The following GLIS3 variants were observed in gnomAD, a reference collection of about 807,000 sequenced individuals.
GLIS3 encodes the protein zinc finger protein GLIS3.
In GLIS3, 53 loss-of-function variants were observed where a neutral mutation model predicts 78.6. That is an observed-to-expected ratio of 0.67 (90% CI 0.54 to 0.85). GLIS3 has a LOEUF of 0.85. Ranked by LOEUF, GLIS3 falls within the 40% of genes least tolerant of loss-of-function variation. GLIS3 has a pLI of 0.00. For missense variants in GLIS3, 1,703 were observed against 1,231.1 expected (o/e 1.38, Z -5.74); for synonymous variants, 684 against 509.9 (o/e 1.34, Z -4.60).
the GLIS3 span, among the ~76,000 whole-genome samples, chr9:4,486,640 G>C: frequency 5.9e-5 from 9 of 152,252 alleles, no homozygotes; most frequent in African/African-American, 2.2e-4. Flanking sequence ...AAATCTGCCT[G>C]TCAGTGATTT....
At chr9:4,094,988 A>T (rs1829826645) in intron 4 of GLIS3, among the ~76,000 whole-genome samples, 1 of 152,240 alleles carries the variant, frequency 6.6e-6, no homozygotes, top group Non-Finnish European at 1.5e-5. Flanking sequence ...CATGGTAATT[A>T]GCATATCCAT....
At chr9:4,279,421 C>T in intron 2 of GLIS3, among the ~76,000 whole-genome samples, 1 of 136,918 alleles carries the variant, frequency 7.3e-6, no homozygotes, top group Non-Finnish European at 1.6e-5. Context: ...TTTAATGAAA[C>T]ACAAAGAAAG....
chr9:3,916,623 T>C (rs981406487), intron 6 of GLIS3, among the ~76,000 whole-genome samples: 2 of 152,242 alleles, frequency 1.3e-5, no homozygotes, highest in African/African-American at 4.8e-5. Flanking sequence ...CTGATTTATA[T>C]TTCATTTTGA....
At chr9:4,354,931 AC>A in the GLIS3 span, among the ~76,000 whole-genome samples, 1 of 152,078 alleles carries the variant, frequency 6.6e-6, no homozygotes, top group African/African-American at 2.4e-5. Flanking sequence ...CCTGGCTAAC[AC>A]GGCGAAACCC....
the GLIS3 span, among the ~76,000 whole-genome samples, chr9:4,411,398 T>A: frequency 6.6e-6 from 1 of 152,144 alleles, no homozygotes; most frequent in African/African-American, 2.4e-5. Context: ...CAGTACTGGG[T>A]TATGAGGTCG....
intron 4 of GLIS3, among the ~76,000 whole-genome samples, chr9:3,941,361 ATTTAT>A (rs1815903248): frequency 6.6e-6 from 1 of 151,608 alleles, no homozygotes; most frequent in Non-Finnish European, 1.5e-5. Context: ...TATTTTATTT[ATTTAT>A]TTATTTATTT....
upstream of GLIS3, among the ~76,000 whole-genome samples, chr9:4,351,662 G>T (rs1349382813): frequency 2.0e-5 from 3 of 152,118 alleles, no homozygotes; most frequent in Admixed American, 6.5e-5. Context: ...GATAAGGAAA[G>T]ATTTCATTTT....
At chr9:4,023,590 G>C (rs1823061667) in intron 4 of GLIS3, among the ~76,000 whole-genome samples, 1 of 152,016 alleles carries the variant, frequency 6.6e-6, no homozygotes, top group Non-Finnish European at 1.5e-5. Context: ...GTGGCCCACA[G>C]AGCGAGCATT....
chr9:4,399,603 C>T, the GLIS3 span, among the ~76,000 whole-genome samples: 8 of 152,154 alleles, frequency 5.3e-5, no homozygotes, highest in South Asian at 2.1e-4. Flanking sequence ...ATTTGTTATT[C>T]GGTGCTCAGG....
At chr9:3,871,905 T>C (rs1820993295) in intron 8 of GLIS3, among the ~76,000 whole-genome samples, 1 of 152,238 alleles carries the variant, frequency 6.6e-6, no homozygotes. Flanking sequence ...TTCTAATGCA[T>C]TGCCAGGCTG....
At chr9:4,103,214 A>G (rs751577525) in intron 4 of GLIS3, among the ~76,000 whole-genome samples, 5 of 152,222 alleles carry the variant, frequency 3.3e-5, no homozygotes, top group Non-Finnish European at 7.3e-5. Context: ...AAGAAGAAAT[A>G]TAATTGTGTA....
rs1190351020 is a variant in GLIS3, at chr9:4,057,633, G to GA, written c.1710+60134dup. Reference sequence around the variant, plus strand: ...TGAACCAGTTTACTCCTCTTCAAATGAAAAAAAATTGAAGAAGAAATAAAA... The same window carrying GA: ...TGAACCAGTTTACTCCTCTTCAAATGAAAAAAAAATTGAAGAAGAAATAAAA... On this transcript the variant is annotated intron_variant, in intron 4 of 10. Transcript: ENST00000381971. Among the ~76,000 whole-genome samples the GA allele has an allele frequency of 4.7e-5, 7 of 150,116 alleles. No individual in the cohort carries two copies. In the East Asian group the frequency reaches 9.8e-4, roughly 21 times the overall value.
At chr9:4,090,816 G>C (rs183726587) in intron 4 of GLIS3, among the ~76,000 whole-genome samples, 7 of 152,336 alleles carry the variant, frequency 4.6e-5, no homozygotes, top group East Asian at 1.9e-4. Context: ...TGCTGAGGTT[G>C]TGACTATTAC....
At chr9:4,200,014 A>C (rs1819221498) in intron 2 of GLIS3, among the ~76,000 whole-genome samples, 1 of 152,176 alleles carries the variant, frequency 6.6e-6, no homozygotes, top group South Asian at 2.1e-4. Context: ...ACCTCTCAAA[A>C]CCACACAATT....
At chr9:4,351,511 ATCTT>A (rs561744152), upstream of GLIS3, among the ~76,000 whole-genome samples, 1,058 of 152,190 alleles carry the variant, frequency 7.0e-3, 14 homozygotes, top group African/African-American at 0.024. Context: ...ACACAAAAAT[ATCTT>A]TCTCTAAGAG....
At position 3,985,148 on chromosome 9, in the gene GLIS3, T is replaced by G. The variant is rs542797549; in HGVS notation, c.1711-47959A>C. ...ACCATTTCAGTCAAAATTATTATTA[T>G]TATTAATTATTACTGAGACAGGGTC... On this transcript the variant is annotated intron_variant, in intron 4 of 10. Transcript: ENST00000381971. 3.3e-5 allele frequency among the ~76,000 whole-genome samples: 5 copies of G among 152,076 alleles called. 1 individual carries two copies. The East Asian group carries it at 9.6e-4, about 29-fold the overall frequency.
At chr9:4,398,684 G>A in the GLIS3 span, among the ~76,000 whole-genome samples, 54 of 151,568 alleles carry the variant, frequency 3.6e-4, no homozygotes, top group Non-Finnish European at 1.0e-4. Context: ...AAGCTCTTTT[G>A]TTGTTGTTGT....
chr9:4,174,098 C>G (rs559776749), intron 2 of GLIS3, among the ~76,000 whole-genome samples: 1 of 152,146 alleles, frequency 6.6e-6, no homozygotes, highest in East Asian at 1.9e-4. Context: ...ACTGTAAAAA[C>G]CTTTTGCAGC....
intron 2 of GLIS3, chr9:4,145,035 T>G (rs1369018679): frequency 6.6e-6 from 1 of 152,242 alleles, no homozygotes; most frequent in African/African-American, 2.4e-5. Flanking sequence ...CATAGCGAAG[T>G]GAGCCCATTG....
Sources: allele counts gnomAD v4.1 joint callset (sites outside exome capture counted in the v4.1 genomes callset), GRCh38; gene constraint gnomAD v4.1.1; transcripts MANE v1.5; gene names NCBI Gene and HGNC (gene_info 2026-07-23, HGNC 2026-07-21).